TTC39A: variants seen among roughly 807,000 people sequenced by gnomAD.
TTC39A encodes the protein tetratricopeptide repeat protein 39A.
A neutral mutation model predicts 82.3 loss-of-function variants in TTC39A; 46 were observed. The observed-to-expected ratio is 0.56, with a 90% CI of 0.44 to 0.71. TTC39A has a LOEUF of 0.71. Among genes scored for constraint, TTC39A ranks in the 30% least tolerant of loss-of-function variants. The probability of loss-of-function intolerance (pLI) is 0.00; values close to 1 mark genes in which losing one functional copy is unlikely to be tolerated. For missense variants in TTC39A, 543 were observed against 712.9 expected (o/e 0.76, Z 2.71); for synonymous variants, 254 against 275.2 (o/e 0.92, Z 0.76).
At chr1:51,315,657 C>T (rs1272967579) in intron 2 of TTC39A, among the ~76,000 whole-genome samples, 1 of 152,228 alleles carries the variant, frequency 6.6e-6, no homozygotes, top group Non-Finnish European at 1.5e-5. Context: ...GTCCGCTGTC[C>T]ATCACCCTGC....
rs1644855112 is a variant in TTC39A, at chr1:51,306,017, A to C, written c.548T>G (p.Phe183Cys). Residue 183 changes from phenylalanine to cysteine, a missense_variant, in exon 7 of 18, where the codon TTT (phenylalanine) becomes TGT (cysteine). By Grantham distance (205) the Phe-to-Cys change is radical. Transcript: ENST00000680483. ...TACACCAAGCTTCACTCCTCCTTCA[A>C]AGTGCGGGTGGTTCTCACCCTTGCA... ...QYCKGENHPHFEGGVKLGVGA... is the reference protein window; with the variant it reads ...QYCKGENHPHCEGGVKLGVGA... The C allele has an allele frequency of 6.2e-7, 1 of 1,613,834 alleles. No homozygotes were observed. Among genetic ancestry groups the C allele is most frequent in the Admixed American group, 1.7e-5 (1 of 60,006 alleles).
intron 5 of TTC39A, among the ~76,000 whole-genome samples, chr1:51,310,058 A>C (rs944412148): frequency 6.6e-6 from 1 of 152,146 alleles, no homozygotes; most frequent in Non-Finnish European, 1.5e-5. Context: ...TGAGGTCAGG[A>C]GTTTGAGACC....
At chr1:51,297,034 G>A (rs985613140) in intron 12 of TTC39A, among the ~76,000 whole-genome samples, 1 of 152,234 alleles carries the variant, frequency 6.6e-6, no homozygotes, top group Admixed American at 6.5e-5. Context: ...GCTAAGAAAG[G>A]GTGGAAAGGA....
At chr1:51,318,516 G>C (rs922737402) in intron 2 of TTC39A, among the ~76,000 whole-genome samples, 1 of 152,190 alleles carries the variant, frequency 6.6e-6, no homozygotes, top group Non-Finnish European at 1.5e-5. Context: ...CAGAAGCTGG[G>C]CCACTGACCC....
rs564584269 is a variant in TTC39A at position 51,330,450 on chromosome 1, C to T, written c.28G>A (p.Ala10Thr). The change falls in exon 1 of 18, where the codon GCC becomes ACC. Residue 10 changes from alanine to threonine, a missense_variant. Coordinates refer to ENST00000680483, the MANE Select transcript of TTC39A (RefSeq NM_001297663.2). This position sits in a 1 kb window ranked among gnomAD's most constrained non-coding sequence, Gnocchi z 4.5. MTSAGGAPGALPAGTPESSL... is the reference protein window; with the variant it reads MTSAGGAPGTLPAGTPESSL... Reference sequence around the variant, plus strand: ...CCGCGCACTTACCCCGCGGGCAGGGCTCCTGGGGCGCCGCCAGCCGAGGTC... The same window carrying T: ...CCGCGCACTTACCCCGCGGGCAGGGTTCCTGGGGCGCCGCCAGCCGAGGTC... 6.0e-5 allele frequency: 59 copies of T among 983,354 alleles called. 1 individual carries two copies. In the East Asian group the frequency reaches 4.9e-3, roughly 81 times the overall value. 60.9% of individuals were successfully genotyped at this position (983,354 alleles called of 1,614,324 possible). A position where few individuals can be genotyped will look rare whatever the true frequency, so the allele number is the denominator to read the frequency against.
intron 1 of TTC39A, among the ~76,000 whole-genome samples, chr1:51,324,397 T>G (rs1486748319): frequency 2.0e-5 from 3 of 152,196 alleles, no homozygotes; most frequent in Admixed American, 1.3e-4. Flanking sequence ...TTCTGAAATG[T>G]GTAAATAGCC....
At chr1:51,327,998 T>C (rs1050393321) in intron 1 of TTC39A, among the ~76,000 whole-genome samples, 13 of 152,140 alleles carry the variant, frequency 8.5e-5, no homozygotes, top group African/African-American at 3.1e-4. Context: ...CGTGCGGCTT[T>C]ACCATCATTT....
At position 51,321,642 on chromosome 1, in the gene TTC39A, G is replaced by C. The variant is rs1645522449; in HGVS notation, c.146+79C>G. The C allele has an allele frequency of 5.2e-6, 7 of 1,348,682 alleles. No individual in the cohort carries two copies. Among genetic ancestry groups the C allele is most frequent in the Non-Finnish European group, 7.3e-6 (7 of 959,346 alleles). The allele number at this position is 1,348,682 out of a possible 1,614,324, so 83.5% of individuals were successfully genotyped here. On this transcript the variant is annotated intron_variant, in intron 2 of 17. Transcript: ENST00000680483. The surrounding 1 kb of genome is among the most constrained non-coding windows in gnomAD (Gnocchi z 4.6). ...AAAGCCAAAGGCATTTAGTTACACA[G>C]GGTTCCTCTCATACAAGACCTCTGG...
intron 2 of TTC39A, among the ~76,000 whole-genome samples, chr1:51,318,342 C>G (rs556057259): frequency 1.5e-3 from 231 of 152,260 alleles, no homozygotes; most frequent in African/African-American, 5.3e-3. Flanking sequence ...GGAACCTGGA[C>G]ATTCCAAGAC....
chr1:51,310,068 C>A (rs540758788), intron 5 of TTC39A, among the ~76,000 whole-genome samples: 1 of 151,752 alleles, frequency 6.6e-6, no homozygotes, highest in East Asian at 1.9e-4. Flanking sequence ...AGTTTGAGAC[C>A]AGCCTGGCCA....
Position 51,305,065 on chromosome 1 carries a change from G to T in TTC39A, c.654+16C>A. The T allele has an allele frequency of 6.2e-7, 1 of 1,612,944 alleles. No individual in the cohort carries two copies. ...GGGGCTGAGCAGGTCAGGGGTGCTAGGAGGCAGGTGGTTACCTTGTTTCCT... is the reference window on the plus strand; with the variant it reads ...GGGGCTGAGCAGGTCAGGGGTGCTATGAGGCAGGTGGTTACCTTGTTTCCT... On this transcript the variant is annotated intron_variant, in intron 8 of 17. Transcript: ENST00000680483.
chr1:51,320,404 CTTTTTCTTTTTCT>C (rs1645456915), intron 2 of TTC39A, among the ~76,000 whole-genome samples: 4 of 130,456 alleles, frequency 3.1e-5, no homozygotes, highest in South Asian at 2.4e-4. Context: ...TTCTTTTTTT[CTTTTTCTTTTTCT>C]TTTTTTTTTT....
intron 1 of TTC39A, among the ~76,000 whole-genome samples, chr1:51,336,695 C>A (rs887725144): frequency 2.0e-5 from 3 of 151,968 alleles, no homozygotes; most frequent in Admixed American, 2.0e-4. Flanking sequence ...GCAATTCATC[C>A]GATTAGAGAA....
chr1:51,319,361 G>A (rs1645407584), intron 2 of TTC39A, among the ~76,000 whole-genome samples: 1 of 152,146 alleles, frequency 6.6e-6, no homozygotes, highest in Non-Finnish European at 1.5e-5. Flanking sequence ...AGGCTCAGAA[G>A]AGGACTGACC....
At chr1:51,323,393 T>C (rs1645599072) in intron 1 of TTC39A, among the ~76,000 whole-genome samples, 1 of 152,134 alleles carries the variant, frequency 6.6e-6, no homozygotes, top group Admixed American at 6.6e-5. Context: ...GGATTATAGG[T>C]ATAAGCCACA....
intron 2 of TTC39A, 50 bp from the exon 3 acceptor site, chr1:51,312,993 G>C: frequency 6.3e-7 from 1 of 1,588,188 alleles, no homozygotes; most frequent in African/African-American, 1.3e-5. Flanking sequence ...AGCCCCAGAG[G>C]CAGCTGGTCC....
chr1:51,306,224 C>T (rs1167275578), intron 6 of TTC39A, 148 bp from the exon 7 acceptor site: 11 of 630,496 alleles, frequency 1.7e-5, no homozygotes, highest in African/African-American at 1.6e-4. Flanking sequence ...TGAGGAATTT[C>T]GAACCCCATC....
chr1:51,345,084 C>T, exon 1 of TTC39A: 1 of 1,298,714 alleles, frequency 7.7e-7, no homozygotes, highest in Non-Finnish European at 9.7e-7. Context: ...GGCGGCCCCT[C>T]GCGGCGGCGG....
chr1:51,290,697 G>T, intron 14 of TTC39A, 72 bp from the exon 15 acceptor site: 1 of 1,270,534 alleles, frequency 7.9e-7, no homozygotes. Context: ...TCTACAAAAT[G>T]GGCAGTTCAG....
Sources: allele counts gnomAD v4.1 joint callset (sites outside exome capture counted in the v4.1 genomes callset), GRCh38; gene constraint gnomAD v4.1.1; non-coding constraint Gnocchi (gnomAD v3.1); transcripts MANE v1.5; gene names NCBI Gene and HGNC (gene_info 2026-07-23, HGNC 2026-07-21).